The following ARIH1 variants were observed in gnomAD, a reference collection of about 807,000 sequenced individuals.
ARIH1 encodes E3 ubiquitin-protein ligase ARIH1.
In ARIH1, 8 loss-of-function variants were observed where a neutral mutation model predicts 85.0. The ratio of observed to expected loss-of-function variants is 0.09; its 90% CI spans 0.06 to 0.17. ARIH1 has a LOEUF of 0.17. Among genes scored for constraint, ARIH1 ranks in the 10% least tolerant of loss-of-function variants. The probability of loss-of-function intolerance (pLI) is 1.00; values close to 1 mark genes in which losing one functional copy is unlikely to be tolerated. For synonymous variants in ARIH1, 238 were observed against 253.6 expected (o/e 0.94, Z 0.59); for missense variants, 311 against 718.1 (o/e 0.43, Z 6.48).
intron 10 of ARIH1, among the ~76,000 whole-genome samples, chr15:72,571,590 C>G (rs573608742): frequency 2.0e-5 from 3 of 152,174 alleles, no homozygotes; most frequent in South Asian, 2.1e-4. Flanking sequence ...AATAGCAAAG[C>G]ACATAGCACA....
At chr15:72,577,484 C>G (rs928165751) in intron 11 of ARIH1, among the ~76,000 whole-genome samples, 4 of 151,780 alleles carry the variant, frequency 2.6e-5, no homozygotes, top group African/African-American at 9.7e-5. Flanking sequence ...ACCAGCCTGG[C>G]CAACATGGTG....
chr15:72,564,208 A>G (rs1043400618), intron 7 of ARIH1, among the ~76,000 whole-genome samples: 1 of 152,210 alleles, frequency 6.6e-6, no homozygotes, highest in Non-Finnish European at 1.5e-5. Flanking sequence ...TGCGTCTTCA[A>G]CACTTTGCTT....
intron 2 of ARIH1, among the ~76,000 whole-genome samples, chr15:72,537,823 G>A (rs969770931): frequency 2.0e-5 from 3 of 152,238 alleles, no homozygotes; most frequent in East Asian, 1.9e-4. Flanking sequence ...ATTGCAATCC[G>A]ATACCCATAA....
At chr15:72,517,139 G>C (rs2063978619) in intron 1 of ARIH1, among the ~76,000 whole-genome samples, 1 of 152,154 alleles carries the variant, frequency 6.6e-6, no homozygotes, top group African/African-American at 2.4e-5. Flanking sequence ...TCTTGAAATA[G>C]CAGCCTAAAA....
chr15:72,538,425 G>T (rs187575942), intron 2 of ARIH1, among the ~76,000 whole-genome samples: 66 of 152,238 alleles, frequency 4.3e-4, no homozygotes, highest in African/African-American at 1.6e-3. Flanking sequence ...TCTTTAAATT[G>T]GTTTTACATT....
intron 5 of ARIH1, among the ~76,000 whole-genome samples, chr15:72,560,664 C>T (rs1466568641): frequency 1.3e-5 from 2 of 152,098 alleles, no homozygotes; most frequent in Admixed American, 6.6e-5. Context: ...TACAAGAATA[C>T]GAATGTGATA....
intron 1 of ARIH1, among the ~76,000 whole-genome samples, chr15:72,517,146 A>G (rs1021331069): frequency 1.3e-5 from 2 of 152,234 alleles, no homozygotes; most frequent in Admixed American, 6.5e-5. Context: ...ATAGCAGCCT[A>G]AAAGTATGCC....
At chr15:72,490,983 G>T (rs1225185458) in intron 1 of ARIH1, among the ~76,000 whole-genome samples, 1 of 152,102 alleles carries the variant, frequency 6.6e-6, no homozygotes, top group Non-Finnish European at 1.5e-5. Flanking sequence ...CGGTGTGGTG[G>T]TGTGCTCCTG....
At chr15:72,508,652 TCTC>T (rs993872627) in intron 1 of ARIH1, among the ~76,000 whole-genome samples, 3 of 152,064 alleles carry the variant, frequency 2.0e-5, no homozygotes, top group African/African-American at 4.8e-5. Flanking sequence ...AAATCTATGT[TCTC>T]CTTTTCAGCA....
chr15:72,562,916 A>C (rs1005703230), intron 6 of ARIH1, among the ~76,000 whole-genome samples: 3 of 148,608 alleles, frequency 2.0e-5, no homozygotes, highest in African/African-American at 7.3e-5. Flanking sequence ...AAAAAAAGGC[A>C]CATCTGAAGT....
chr15:72,599,977 C>T lies in ARIH1; in HGVS notation c.*16685C>T, dbSNP rs1018410339. 6.6e-6 allele frequency: 1 copy of T among 152,152 alleles called. No homozygotes were observed. The highest frequency in any genetic ancestry group is 1.5e-5 in the Non-Finnish European group (1 of 68,032). 9.4% of individuals were successfully genotyped at this position (152,152 alleles called of 1,614,324 possible). On this transcript the variant is annotated 3_prime_UTR_variant, in exon 14 of 14. Coordinates refer to ENST00000379887, the MANE Select transcript of ARIH1 (RefSeq NM_005744.5). ...GTGATATTTCCCAGTGTTGGCTGGA[C>T]TCTCAAGCGTTTGTGGTATAGGTTT... is the stretch of plus-strand genomic sequence containing the variant.
chr15:72,548,213 T>C (rs1293683420), intron 3 of ARIH1, among the ~76,000 whole-genome samples: 3 of 152,102 alleles, frequency 2.0e-5, no homozygotes, highest in Non-Finnish European at 4.4e-5. Context: ...CCTAACCCAG[T>C]TTTTGATCAG....
At chr15:72,479,620 A>G (rs1191259933) in intron 1 of ARIH1, among the ~76,000 whole-genome samples, 1 of 152,002 alleles carries the variant, frequency 6.6e-6, no homozygotes, top group African/African-American at 2.4e-5. Flanking sequence ...TGTTGGTCAG[A>G]TGGTCTCAAC....
intron 1 of ARIH1, among the ~76,000 whole-genome samples, chr15:72,505,649 C>T (rs975390078): frequency 1.3e-5 from 2 of 152,112 alleles, no homozygotes; most frequent in African/African-American, 4.8e-5. Context: ...TCACTTCTGC[C>T]AAACTACCCT....
intron 1 of ARIH1, among the ~76,000 whole-genome samples, chr15:72,491,686 A>C (rs1337052004): frequency 6.6e-6 from 1 of 152,124 alleles, no homozygotes; most frequent in Non-Finnish European, 1.5e-5. Context: ...TCATTCTCTA[A>C]CATACTACTT....
chr15:72,580,643 A>T, intron 11 of ARIH1, 88 bp from the exon 12 acceptor site: 1 of 1,256,078 alleles, frequency 8.0e-7, no homozygotes, highest in Non-Finnish European at 1.1e-6. Flanking sequence ...GTGAAGTGAG[A>T]CTTCATTATG....
intron 1 of ARIH1, chr15:72,496,815 A>G: frequency 1.0e-6 from 1 of 985,490 alleles, no homozygotes; most frequent in Non-Finnish European, 1.2e-6. Flanking sequence ...TTCCAGAAGT[A>G]TGAATTCAGT....
intron 1 of ARIH1, among the ~76,000 whole-genome samples, chr15:72,484,788 TAC>T (rs34197826): frequency 0.66 from 99,551 of 150,016 alleles, 37,827 homozygotes; most frequent in South Asian, 0.87. Flanking sequence ...TACATATATA[TAC>T]ACACACACAC....
At chr15:72,559,810 G>C (rs764333357) in intron 5 of ARIH1, among the ~76,000 whole-genome samples, 1 of 151,924 alleles carries the variant, frequency 6.6e-6, no homozygotes, top group South Asian at 2.1e-4. Context: ...TTTGTGATTG[G>C]CTTCTTTAAT....
Sources: allele counts gnomAD v4.1 joint callset (sites outside exome capture counted in the v4.1 genomes callset), GRCh38; gene constraint gnomAD v4.1.1; transcripts MANE v1.5; gene names NCBI Gene and HGNC (gene_info 2026-07-23, HGNC 2026-07-21).